Variants in SLC24A2 observed in about 807,000 individuals in gnomAD.
The protein encoded by SLC24A2 is solute carrier family 24 member 2, also known as sodium/potassium/calcium exchanger 2.
A neutral mutation model predicts 62.0 loss-of-function variants in SLC24A2; 36 were observed. The ratio of observed to expected loss-of-function variants is 0.58; its 90% CI spans 0.44 to 0.77. SLC24A2 has a LOEUF of 0.77. SLC24A2 is among the 30% of genes least tolerant of loss of function. SLC24A2 has a pLI of 0.00. For synonymous variants in SLC24A2, 358 were observed against 294.0 expected (o/e 1.22, Z -2.23); for missense variants, 846 against 817.9 (o/e 1.03, Z -0.42).
the SLC24A2 span, among the ~76,000 whole-genome samples, chr9:20,142,734 G>C: frequency 1.3e-5 from 2 of 152,022 alleles, no homozygotes; most frequent in Non-Finnish European, 2.9e-5. Context: ...GAGCTGGGAT[G>C]ACAGGCACCT....
chr9:19,799,635 A>C, the SLC24A2 span, among the ~76,000 whole-genome samples: 5 of 152,188 alleles, frequency 3.3e-5, no homozygotes, highest in Non-Finnish European at 7.3e-5. Flanking sequence ...CTTAACTTTT[A>C]GCCTCCTCTA....
At chr9:20,242,666 A>G in the SLC24A2 span, among the ~76,000 whole-genome samples, 1 of 152,236 alleles carries the variant, frequency 6.6e-6, no homozygotes, top group Non-Finnish European at 1.5e-5. Flanking sequence ...GGGATGCAAC[A>G]CCTGACATGA....
At chr9:20,112,521 A>T in the SLC24A2 span, among the ~76,000 whole-genome samples, 1,113 of 152,292 alleles carry the variant, frequency 7.3e-3, 17 homozygotes, top group African/African-American at 0.025. Context: ...AAATAATCTG[A>T]AACTTCCCCA....
At chr9:20,055,054 G>A in the SLC24A2 span, among the ~76,000 whole-genome samples, 1 of 152,094 alleles carries the variant, frequency 6.6e-6, no homozygotes, top group African/African-American at 2.4e-5. Flanking sequence ...TAGTGAATAT[G>A]ACAAGCAAAA....
chr9:20,307,074 AATC>A, the SLC24A2 span, among the ~76,000 whole-genome samples: 1 of 152,178 alleles, frequency 6.6e-6, no homozygotes, highest in Non-Finnish European at 1.5e-5. Context: ...CTATGTTTTA[AATC>A]ATCTTATGTT....
the SLC24A2 span, among the ~76,000 whole-genome samples, chr9:20,050,624 C>T: frequency 2.0e-5 from 3 of 152,164 alleles, no homozygotes; most frequent in Non-Finnish European, 1.5e-5. Context: ...AAGTTTATTA[C>T]AGGGTTCAAG....
chr9:20,041,969 C>A, the SLC24A2 span, among the ~76,000 whole-genome samples: 1 of 152,218 alleles, frequency 6.6e-6, no homozygotes, highest in African/African-American at 2.4e-5. Flanking sequence ...GCACTGTGGC[C>A]GCAGCAGCTA....
chr9:20,177,124 T>C, the SLC24A2 span, among the ~76,000 whole-genome samples: 1 of 152,138 alleles, frequency 6.6e-6, no homozygotes, highest in Non-Finnish European at 1.5e-5. Flanking sequence ...TTTACTCATT[T>C]CTGTGAAGTT....
At chr9:19,564,973 G>A (rs1488991843) in intron 7 of SLC24A2, among the ~76,000 whole-genome samples, 1 of 152,206 alleles carries the variant, frequency 6.6e-6, no homozygotes, top group Admixed American at 6.5e-5. Flanking sequence ...CTGGGTGGGA[G>A]AGCATATTGC....
At chr9:19,961,143 GA>G in the SLC24A2 span, among the ~76,000 whole-genome samples, 68 of 6,506 alleles carry the variant, frequency 0.01, no homozygotes, top group Middle Eastern at 0.045. Context: ...AGAAAGGGGA[GA>G]GAGAGAGAGA....
In SLC24A2 at chr9:19,713,697, A is replaced by C. The variant is rs150561281; in HGVS notation, c.930+72240T>G. Among the ~76,000 whole-genome samples, 1,163 of 152,278 alleles carry C rather than the reference A, an allele frequency of 7.6e-3. 8 individuals carry two copies. Among genetic ancestry groups the C allele is most frequent in the African/African-American group, 0.026 (1,076 of 41,564 alleles). On this transcript the variant is annotated intron_variant, in intron 2 of 10. Transcript: ENST00000341998. The stretch of plus-strand genomic sequence containing the variant: ...CAAGAGGTTTTTATTAGCATTACTG[A>C]GTGTAAGCCTATCAATTCAGTAACT...
the SLC24A2 span, among the ~76,000 whole-genome samples, chr9:20,142,715 C>G: frequency 6.6e-6 from 1 of 152,184 alleles, no homozygotes; most frequent in African/African-American, 2.4e-5. Context: ...CCTGCCTCAG[C>G]CTCCCAAGGA....
At chr9:20,061,288 A>ATT in the SLC24A2 span, among the ~76,000 whole-genome samples, 34 of 146,212 alleles carry the variant, frequency 2.3e-4, no homozygotes, top group African/African-American at 7.0e-4. Flanking sequence ...TGGTCAACTG[A>ATT]TTTTTTTTTT....
the SLC24A2 span, among the ~76,000 whole-genome samples, chr9:19,963,696 A>G: frequency 2.6e-5 from 4 of 152,154 alleles, no homozygotes; most frequent in Admixed American, 1.3e-4. Flanking sequence ...TTAGAATGAC[A>G]ATCATTAAAA....
At chr9:19,772,179 C>G (rs1317095334) in intron 2 of SLC24A2, among the ~76,000 whole-genome samples, 4 of 152,168 alleles carry the variant, frequency 2.6e-5, no homozygotes, top group African/African-American at 4.8e-5. Context: ...GTCCAATGTT[C>G]AAGTAGCTTT....
chr9:19,553,100 C>T (rs981288785), intron 7 of SLC24A2, among the ~76,000 whole-genome samples: 21 of 152,200 alleles, frequency 1.4e-4, no homozygotes, highest in African/African-American at 4.8e-4. Context: ...TTGAGAGGTA[C>T]CCCAGGAGCA....
intron 5 of SLC24A2, among the ~76,000 whole-genome samples, chr9:19,582,740 T>A (rs1836244321): frequency 6.6e-6 from 1 of 152,142 alleles, no homozygotes; most frequent in African/African-American, 2.4e-5. Context: ...CAGTTAAGCC[T>A]TCATCACTCT....
chr9:19,699,566 C>T (rs1287369743), intron 2 of SLC24A2, among the ~76,000 whole-genome samples: 2 of 152,018 alleles, frequency 1.3e-5, no homozygotes, highest in African/African-American at 2.4e-5. Flanking sequence ...ATTCATCATC[C>T]AATGTTAATT....
At chr9:20,230,777 C>T in the SLC24A2 span, among the ~76,000 whole-genome samples, 4 of 152,062 alleles carry the variant, frequency 2.6e-5, no homozygotes, top group East Asian at 1.9e-4. Flanking sequence ...GTTGCCATTG[C>T]TTTTGGTGTT....
Sources: allele counts gnomAD v4.1 joint callset (sites outside exome capture counted in the v4.1 genomes callset), GRCh38; gene constraint gnomAD v4.1.1; transcripts MANE v1.5; gene names NCBI Gene and HGNC (gene_info 2026-07-23, HGNC 2026-07-21).